TBRG4: variants seen among roughly 807,000 people sequenced by gnomAD.
The protein encoded by TBRG4 is FAST kinase domain-containing protein 4.
A neutral mutation model predicts 65.6 loss-of-function variants in TBRG4; 43 were observed. The ratio of observed to expected loss-of-function variants is 0.66; its 90% confidence interval spans 0.51 to 0.85. The LOEUF (loss-of-function observed/expected upper bound fraction) is 0.85, where lower values mean the gene tolerates loss of function less well. Among genes scored for constraint, TBRG4 ranks in the 40% least tolerant of loss-of-function variants. The pLI, the probability that TBRG4 is intolerant of heterozygous loss-of-function variation, is 0.00. For missense variants in TBRG4, 709 were observed against 787.9 expected (o/e 0.90, Z 1.20); for synonymous variants, 366 against 341.4 (o/e 1.07, Z -0.79).
chr7:45,101,740 T>C, intron 8 of TBRG4, 85 bp downstream of exon 8: 2 of 1,597,538 alleles, frequency 1.3e-6, no homozygotes, highest in South Asian at 2.2e-5. Context: ...CCTAGGTCAG[T>C]ACTTGCTGCA....
At chr7:45,107,457 G>A (rs1784994634) in intron 2 of TBRG4, 2 of 152,216 alleles carry the variant, frequency 1.3e-5, no homozygotes, top group South Asian at 4.1e-4. Context: ...GAAGAGAGCA[G>A]ATGGTAAAAC....
intron 5 of TBRG4, 48 bp downstream of exon 5, chr7:45,104,051 A>T: frequency 3.3e-6 from 5 of 1,526,502 alleles, no homozygotes; most frequent in Non-Finnish European, 3.5e-6. Context: ...TTCCCAGCAG[A>T]TGGCCAGGAA....
At position 45,100,124 on chromosome 7, in the gene TBRG4, C is replaced by G. The variant is rs117716024; in HGVS notation, c.*201G>C. 5.8e-3 allele frequency: 3,153 copies of G among 542,152 alleles called. 14 individuals are homozygous for G. The highest frequency in any genetic ancestry group is 8.0e-3 in the Non-Finnish European group (2,455 of 305,798). 33.6% of individuals were successfully genotyped at this position (542,152 alleles called of 1,614,324 possible). Reference sequence around the variant, plus strand: ...CTGACAGTGCAGAGGGTGACCAAGCCTGGGAAGGCCCCAGGGGTCCAACAC... The same window carrying G: ...CTGACAGTGCAGAGGGTGACCAAGCGTGGGAAGGCCCCAGGGGTCCAACAC... On this transcript the variant is annotated 3_prime_UTR_variant, in exon 11 of 11. Transcript: ENST00000258770.
rs1364305262 is a variant in TBRG4, at chr7:45,101,624, G to T, written c.1568-10C>A. ...AGCAGCACCTCAGCATCTGGGGAAG[G>T]GGTGTGGGATGAGAACATGTTGGGG... On this transcript the variant is annotated splice_polypyrimidine_tract_variant and intron_variant, in intron 8 of 10. Transcript: ENST00000258770. 1 of 1,612,440 alleles carries T rather than the reference G, an allele frequency of 6.2e-7. No homozygotes were observed. The highest frequency in any genetic ancestry group is 1.3e-5 in the African/African-American group (1 of 75,018).
chr7:45,110,739 G>A (rs1475346576), intron 1 of TBRG4: 2 of 151,948 alleles, frequency 1.3e-5, no homozygotes, highest in Non-Finnish European at 2.9e-5. Context: ...AAGATAAAAC[G>A]TTCACCTAGG....
chr7:45,103,306 C>T (rs749347619), intron 6 of TBRG4, 27 bp downstream of exon 6: 15 of 1,566,804 alleles, frequency 9.6e-6, no homozygotes, highest in Admixed American at 1.7e-5. Flanking sequence ...GGATAAAGGT[C>T]GAGCAGTGGG....
intron 3 of TBRG4, chr7:45,104,935 TCCCAGGGTAGGTGA>T: frequency 1.2e-6 from 1 of 812,318 alleles, no homozygotes; most frequent in South Asian, 1.3e-5. Flanking sequence ...TATCCCCAGG[TCCCAGGGTAGGTGA>T]CCCAGGGCCC....
At position 45,109,301 on chromosome 7, in the gene TBRG4, G is replaced by A; in HGVS notation, c.-50-14C>T. The stretch of plus-strand genomic sequence containing the variant: ...TGATTCCAAACCCTGAAGAGAAAAA[G>A]GAGAGAGAAGGGGCTACTACAGGGG... On this transcript the variant is annotated splice_polypyrimidine_tract_variant and intron_variant, in intron 1 of 10. Transcript: ENST00000258770. The A allele has an allele frequency of 6.6e-7, 1 of 1,510,240 alleles. No homozygotes were observed. Among genetic ancestry groups the A allele is most frequent in the South Asian group, 1.3e-5 (1 of 74,078 alleles). 93.6% of individuals were successfully genotyped at this position (1,510,240 alleles called of 1,614,324 possible). A position where few individuals can be genotyped will look rare whatever the true frequency, so the allele number is the denominator to read the frequency against.
chr7:45,104,660 A>C lies in TBRG4; in HGVS notation c.785T>G (p.Leu262Arg). 4.3e-6 allele frequency: 7 copies of C among 1,613,938 alleles called. No homozygotes were observed. The highest frequency in any genetic ancestry group is 5.9e-6 in the Non-Finnish European group (7 of 1,180,020). Residue 262 changes from leucine to arginine, a missense_variant, in exon 4 of 11, where the codon CTG (leucine) becomes CGG (arginine). By Grantham distance (102) the Leu-to-Arg change is moderately radical. Coordinates refer to ENST00000258770, the MANE Select transcript of TBRG4 (RefSeq NM_004749.4). ...HFGPNELRKV[L>R]VMLAAQSRRS... is the part of the protein sequence containing the mutation. Reference sequence around the variant, plus strand: ...CCGGCTCTGAGCTGCCAGCATCACCAGCACCTTCCGCAGCTCATTGGGGCC... The same window carrying C: ...CCGGCTCTGAGCTGCCAGCATCACCCGCACCTTCCGCAGCTCATTGGGGCC...
chr7:45,108,793 T>C, intron 2 of TBRG4, 34 bp downstream of exon 2: 1 of 1,492,960 alleles, frequency 6.7e-7, no homozygotes. Flanking sequence ...GTTTTCCTCT[T>C]GTCTATGCTC....
At position 45,102,432 on chromosome 7, in the gene TBRG4, C is replaced by T; in HGVS notation, c.1236G>A (p.Leu412=). Residue 412 remains leucine, a synonymous_variant, in exon 7 of 11, where the codon CTG becomes CTA. Transcript: ENST00000258770. ...GCTGCAGCACACACAGGGCCCACAC[C>T]AGGTCCACCTGCAGGGCTGGCTCCA... ...PGLEPALQVD[L]VWALCVLQQA... 1 of 1,613,794 alleles carries T rather than the reference C, an allele frequency of 6.2e-7. No homozygotes were observed.
chr7:45,105,129 C>T (rs1278651051), intron 3 of TBRG4: 1 of 649,858 alleles, frequency 1.5e-6, no homozygotes, highest in Non-Finnish European at 2.9e-6. Flanking sequence ...ACTTCAGGAG[C>T]TGCCTGCCAT....
chr7:45,105,515 A>C lies in TBRG4; in HGVS notation c.661T>G (p.Ser221Ala). The C allele has an allele frequency of 6.2e-7, 1 of 1,614,148 alleles. No individual in the cohort carries two copies. The highest frequency in any genetic ancestry group is 8.5e-7 in the Non-Finnish European group (1 of 1,180,018). Residue 221 changes from serine (S) to alanine (A), a missense_variant, in exon 3 of 11, where the codon TCC becomes GCC. Ser to Ala is a moderately conservative substitution (Grantham distance 99, BLOSUM62 1). Coordinates refer to ENST00000258770, the MANE Select transcript of TBRG4 (RefSeq NM_004749.4). Reference protein sequence around the residue: ...LERRWTEIEDSHTLVTVMMKV... With the variant: ...LERRWTEIEDAHTLVTVMMKV... ...ATCATGACGGTCACTAATGTGTGGG[A>C]ATCTTCAATTTCTGTCCAACGCCTT... is the stretch of plus-strand genomic sequence containing the variant.
chr7:45,105,403 G>T, intron 3 of TBRG4, 38 bp downstream of exon 3: 1 of 1,557,538 alleles, frequency 6.4e-7, no homozygotes. Context: ...AAGCCCAGGG[G>T]AGGCAGGCTG....
At chr7:45,109,423 T>A in intron 1 of TBRG4, 136 bp from the exon 2 acceptor site, 1 of 702,212 alleles carries the variant, frequency 1.4e-6, no homozygotes, top group Non-Finnish European at 2.1e-6. Flanking sequence ...AGGTATGTGA[T>A]AGTATTTTCT....
chr7:45,103,969 G>A (rs1369945387), intron 5 of TBRG4, 130 bp downstream of exon 5: 5 of 1,283,650 alleles, frequency 3.9e-6, no homozygotes, highest in Non-Finnish European at 5.2e-6. Flanking sequence ...AAGCCAAAAT[G>A]CAAGAAATAT....
chr7:45,105,188 G>C, intron 3 of TBRG4: 4 of 612,878 alleles, frequency 6.5e-6, no homozygotes, highest in Non-Finnish European at 1.2e-5. Context: ...GAAAGATAAA[G>C]GTGCAATCAG....
intron 1 of TBRG4, 120 bp from the exon 2 acceptor site, chr7:45,109,407 A>G: frequency 1.2e-6 from 1 of 827,802 alleles, no homozygotes; most frequent in Non-Finnish European, 1.7e-6. Flanking sequence ...TTTCTTGACA[A>G]TCCATAGGTA....
At chr7:45,104,494 G>A in intron 4 of TBRG4, 44 bp downstream of exon 4, 1 of 1,613,396 alleles carries the variant, frequency 6.2e-7, no homozygotes, top group South Asian at 1.1e-5. Context: ...GCATCTGCAG[G>A]GCCAGCGCTC....
Sources: allele counts gnomAD v4.1 joint callset, GRCh38; gene constraint gnomAD v4.1.1; transcripts MANE v1.5; gene names NCBI Gene and HGNC (gene_info 2026-07-23, HGNC 2026-07-21).